The following MLXIPL variants were observed in gnomAD, a reference collection of about 807,000 sequenced individuals.
MLXIPL encodes the protein MLX interacting protein like.
MLXIPL carries 49 observed loss-of-function variants against 81.5 expected under a neutral mutation model. That is an observed-to-expected ratio of 0.60 (90% CI 0.48 to 0.76). MLXIPL has a LOEUF of 0.76. Ranked by LOEUF, MLXIPL falls within the 30% of genes least tolerant of loss-of-function variation. The pLI, the probability that MLXIPL is intolerant of heterozygous loss-of-function variation, is 0.00. For synonymous variants in MLXIPL, 466 were observed against 485.5 expected (o/e 0.96, Z 0.53); for missense variants, 1,053 against 1,167.0 (o/e 0.90, Z 1.42).
intron 1 of MLXIPL, among the ~76,000 whole-genome samples, chr7:73,617,316 G>A (rs1796064255): frequency 6.6e-6 from 1 of 151,834 alleles, no homozygotes; most frequent in African/African-American, 2.4e-5. Flanking sequence ...ACCATGCCCA[G>A]CCGAGGGTGC....
chr7:73,645,590 C>T, the MLXIPL span, among the ~76,000 whole-genome samples: 2 of 152,174 alleles, frequency 1.3e-5, no homozygotes, highest in African/African-American at 4.8e-5. Flanking sequence ...AATGTAATCC[C>T]CTCTTGTGTG....
chr7:73,611,713 G>A (rs2116412786), intron 2 of MLXIPL, among the ~76,000 whole-genome samples: 1 of 152,214 alleles, frequency 6.6e-6, no homozygotes. Flanking sequence ...CTACTTGGGA[G>A]GCTGAGGCAT....
At chr7:73,607,555 T>A (rs781940413) in intron 3 of MLXIPL, 35 bp downstream of exon 3, 2 of 1,606,100 alleles carry the variant, frequency 1.2e-6, no homozygotes, top group Non-Finnish European at 1.7e-6. Flanking sequence ...GGTGGGCAGG[T>A]GGGCAGGTGG....
chr7:73,637,475 GAA>G, the MLXIPL span, among the ~76,000 whole-genome samples: 3 of 136,568 alleles, frequency 2.2e-5, no homozygotes, highest in Admixed American at 1.5e-4. Context: ...ACTCTGTCTG[GAA>G]AAAAAAAAAA....
At chr7:73,606,877 C>G in intron 5 of MLXIPL, 97 bp downstream of exon 5, 1 of 1,345,248 alleles carries the variant, frequency 7.4e-7, no homozygotes, top group Admixed American at 1.9e-5. Context: ...TGCCCAGCCA[C>G]TGTCTTGCCC....
chr7:73,640,611 T>C, the MLXIPL span, among the ~76,000 whole-genome samples: 1 of 151,202 alleles, frequency 6.6e-6, no homozygotes. Flanking sequence ...ACCCTGTCTC[T>C]ACTAAGAATA....
chr7:73,643,370 C>T, the MLXIPL span, among the ~76,000 whole-genome samples: 3 of 152,024 alleles, frequency 2.0e-5, no homozygotes, highest in South Asian at 2.1e-4. Flanking sequence ...AAAAATTGGC[C>T]GGGCATGGTG....
At chr7:73,609,847 T>C (rs1795575956) in intron 2 of MLXIPL, 1 of 151,922 alleles carries the variant, frequency 6.6e-6, no homozygotes, top group Non-Finnish European at 1.5e-5. Context: ...AATCTGTGAA[T>C]TTTTAAAAAA....
At chr7:73,639,919 G>T in the MLXIPL span, among the ~76,000 whole-genome samples, 1 of 151,920 alleles carries the variant, frequency 6.6e-6, no homozygotes, top group African/African-American at 2.4e-5. Flanking sequence ...AAAATAATTA[G>T]CCAGGTGTGG....
chr7:73,618,503 C>G (rs555583507), intron 1 of MLXIPL, among the ~76,000 whole-genome samples: 10 of 151,926 alleles, frequency 6.6e-5, no homozygotes, highest in African/African-American at 2.4e-4. Context: ...GCAGCCTCTC[C>G]CTACTTGAGT....
the MLXIPL span, among the ~76,000 whole-genome samples, chr7:73,636,582 C>T: frequency 6.6e-6 from 1 of 152,096 alleles, no homozygotes; most frequent in African/African-American, 2.4e-5. Context: ...GCCATGTCCC[C>T]AGCTCCCTCG....
At position 73,594,410 on chromosome 7, in the gene MLXIPL, C is replaced by T. The variant is rs1554592975; in HGVS notation, c.2311-7G>A. 12 of 1,600,998 alleles carry T rather than the reference C, an allele frequency of 7.5e-6. No individual in the cohort carries two copies. The highest frequency in any genetic ancestry group is 1.7e-4 in the Middle Eastern group (1 of 6,060). On this transcript the variant is annotated splice_polypyrimidine_tract_variant and splice_region_variant and intron_variant, in intron 15 of 16. Transcript: ENST00000313375. ...GCCGGATGAGGATGCTGAACTGGGC[C>T]CAGGTCAAGGAGCTGCCTGTGGTCC...
At chr7:73,603,737 T>C (rs113867607) in intron 7 of MLXIPL, among the ~76,000 whole-genome samples, 1 of 152,162 alleles carries the variant, frequency 6.6e-6, no homozygotes, top group African/African-American at 2.4e-5. Context: ...TGTGTGGCTA[T>C]CGGGAATAAC....
chr7:73,596,478 G>A lies in MLXIPL; in HGVS notation c.1824C>T (p.Gly608=). ...GGTCCCCTGACAGCCGCCGTTCACTGCCTGTGGTAGGGACAGACAGACCCA... is the reference window on the plus strand; with the variant it reads ...GGTCCCCTGACAGCCGCCGTTCACTACCTGTGGTAGGGACAGACAGACCCA... ...AERLSPPAPS[G]SERRLSGDLS... Residue 608 remains glycine (G), a splice_region_variant and synonymous_variant, in exon 12 of 17, where the codon GGC becomes GGT. Transcript: ENST00000313375. This position sits in a 1 kb window ranked among gnomAD's most constrained non-coding sequence, Gnocchi z 4.7. The A allele has an allele frequency of 6.2e-7, 1 of 1,612,892 alleles. No individual in the cohort carries two copies. The highest frequency in any genetic ancestry group is 2.2e-5 in the East Asian group (1 of 44,858).
chr7:73,603,957 C>G (rs1307226510), intron 7 of MLXIPL, among the ~76,000 whole-genome samples: 1 of 152,054 alleles, frequency 6.6e-6, no homozygotes, highest in Non-Finnish European at 1.5e-5. Flanking sequence ...AGCTCACACC[C>G]GTAATCCCAG....
In MLXIPL at chr7:73,616,106, A is replaced by C; in HGVS notation, c.365T>G (p.Leu122Arg). 1 of 1,614,016 alleles carries C rather than the reference A, an allele frequency of 6.2e-7. No individual in the cohort carries two copies. Among genetic ancestry groups the C allele is most frequent in the Non-Finnish European group, 8.5e-7 (1 of 1,180,000 alleles). Reference protein sequence around the residue: ...LKLLCRDKIRLNNAIWRAWYI... With the variant: ...LKLLCRDKIRRNNAIWRAWYI... ...CCAGGCCCTCCAGATGGCGTTGTTC[A>C]GGCGGATCTTGTCTCTGCAGAGCAG... The change falls in exon 2 of 17, where the codon CTG becomes CGG. Residue 122 changes from leucine to arginine, a missense_variant. Transcript: ENST00000313375.
At chr7:73,630,552 C>A in the MLXIPL span, among the ~76,000 whole-genome samples, 1 of 152,188 alleles carries the variant, frequency 6.6e-6, no homozygotes, top group Non-Finnish European at 1.5e-5. Context: ...CTTGGTCTCC[C>A]AAAGTGCTGG....
chr7:73,641,834 C>T, the MLXIPL span, among the ~76,000 whole-genome samples: 1 of 152,050 alleles, frequency 6.6e-6, no homozygotes, highest in Non-Finnish European at 1.5e-5. Context: ...TGGGGTTTCA[C>T]CATGTTAGCC....
chr7:73,623,056 G>A lies in MLXIPL; in HGVS notation c.293+1144C>T, dbSNP rs895808670. On this transcript the variant is annotated intron_variant, in intron 1 of 16. Coordinates refer to ENST00000313375, the MANE Select transcript of MLXIPL (RefSeq NM_032951.3). The surrounding 1 kb of genome is among the most constrained non-coding windows in gnomAD (Gnocchi z 5.7). Reference sequence around the variant, plus strand: ...CACGGGTCCGACGCCCTGGCCGATCGGGTTGCAACATGACCTGGGCCAGGG... The same window carrying A: ...CACGGGTCCGACGCCCTGGCCGATCAGGTTGCAACATGACCTGGGCCAGGG... 1.3e-5 allele frequency among the ~76,000 whole-genome samples: 2 copies of A among 152,118 alleles called. No homozygotes were observed. The highest frequency in any genetic ancestry group is 6.6e-5 in the Admixed American group (1 of 15,256).
Sources: allele counts gnomAD v4.1 joint callset (sites outside exome capture counted in the v4.1 genomes callset), GRCh38; gene constraint gnomAD v4.1.1; non-coding constraint Gnocchi (gnomAD v3.1); transcripts MANE v1.5; gene names NCBI Gene and HGNC (gene_info 2026-07-23, HGNC 2026-07-21).